The following AOPEP variants were observed in gnomAD, a reference collection of about 807,000 sequenced individuals.
AOPEP encodes aminopeptidase O.
In AOPEP, 77 loss-of-function variants were observed where a neutral mutation model predicts 98.1. The ratio of observed to expected loss-of-function variants is 0.78; its 90% CI spans 0.65 to 0.95. The LOEUF is 0.95. Ranked by LOEUF, AOPEP falls within the 40% of genes least tolerant of loss-of-function variation. The pLI is 0.00. For missense variants in AOPEP, 1,024 were observed against 1,024.7 expected (o/e 1.00, Z 0.01); for synonymous variants, 346 against 365.3 (o/e 0.95, Z 0.60).
chr9:94,989,055 T>C (rs574933670), intron 11 of AOPEP, among the ~76,000 whole-genome samples: 19 of 151,926 alleles, frequency 1.3e-4, no homozygotes, highest in African/African-American at 3.9e-4. Context: ...GTAGCTGGGA[T>C]TACAGGTGCA....
chr9:94,899,002 T>C (rs1218335498), intron 5 of AOPEP, among the ~76,000 whole-genome samples: 2 of 152,002 alleles, frequency 1.3e-5, no homozygotes, highest in African/African-American at 2.4e-5. Flanking sequence ...AGAAGCTCCT[T>C]GGTATAATAT....
chr9:94,808,233 T>C (rs796971402), intron 5 of AOPEP, among the ~76,000 whole-genome samples: 3 of 152,174 alleles, frequency 2.0e-5, no homozygotes, highest in African/African-American at 7.2e-5. Flanking sequence ...AGACACGGGG[T>C]TTCACCATGT....
At chr9:95,022,517 T>C (rs1342548413) in intron 13 of AOPEP, among the ~76,000 whole-genome samples, 4 of 152,158 alleles carry the variant, frequency 2.6e-5, no homozygotes, top group Non-Finnish European at 5.9e-5. Context: ...TTTTTTGTAT[T>C]TTTAGTAGAG....
downstream of AOPEP, among the ~76,000 whole-genome samples, chr9:95,087,873 C>T (rs1480301081): frequency 6.6e-6 from 1 of 152,232 alleles, no homozygotes; most frequent in Non-Finnish European, 1.5e-5. Flanking sequence ...CACCTGAACA[C>T]ACCCACAGTC....
intron 13 of AOPEP, among the ~76,000 whole-genome samples, chr9:95,041,487 G>A (rs2065307383): frequency 6.8e-6 from 1 of 146,936 alleles, no homozygotes; most frequent in Admixed American, 6.8e-5. Context: ...GTGTGGAGAG[G>A]GAGAGACACT....
At chr9:94,946,551 A>G (rs1289389485) in intron 7 of AOPEP, among the ~76,000 whole-genome samples, 2 of 152,134 alleles carry the variant, frequency 1.3e-5, no homozygotes, top group East Asian at 3.9e-4. Context: ...TGATCCTTAG[A>G]ATGGCCCTTC....
intron 13 of AOPEP, among the ~76,000 whole-genome samples, chr9:95,032,194 C>T (rs553051929): frequency 3.2e-4 from 48 of 152,340 alleles, no homozygotes; most frequent in African/African-American, 1.1e-3. Flanking sequence ...ACCTGGCCAG[C>T]GGAGGCCACC....
At chr9:94,758,376 T>G (rs573906895) in intron 1 of AOPEP, among the ~76,000 whole-genome samples, 41 of 152,300 alleles carry the variant, frequency 2.7e-4, no homozygotes, top group African/African-American at 9.6e-4. Context: ...GGAGGCAGGA[T>G]TTTTTAAGGT....
chr9:94,842,425 T>A (rs1466417223), intron 5 of AOPEP, among the ~76,000 whole-genome samples: 1 of 152,106 alleles, frequency 6.6e-6, no homozygotes, highest in Non-Finnish European at 1.5e-5. Context: ...TAAAAAAGAA[T>A]GTCTGTTCTG....
intron 13 of AOPEP, among the ~76,000 whole-genome samples, chr9:95,038,060 C>T (rs2064983540): frequency 6.6e-6 from 1 of 152,176 alleles, no homozygotes; most frequent in Non-Finnish European, 1.5e-5. Flanking sequence ...AGCAAGTTCT[C>T]GGCCTCTTGA....
chr9:95,067,923 A>C (rs1460009799), intron 14 of AOPEP, among the ~76,000 whole-genome samples: 1 of 152,220 alleles, frequency 6.6e-6, no homozygotes, highest in Admixed American at 6.5e-5. Flanking sequence ...CATAAATGGA[A>C]TTATATATAA....
At chr9:94,889,816 T>G (rs940052396) in intron 5 of AOPEP, among the ~76,000 whole-genome samples, 10 of 152,226 alleles carry the variant, frequency 6.6e-5, no homozygotes, top group African/African-American at 2.4e-4. Flanking sequence ...AGTGATTCAG[T>G]CTTTCCACAT....
At chr9:94,803,408 A>C (rs1421255157) in intron 5 of AOPEP, among the ~76,000 whole-genome samples, 1 of 152,214 alleles carries the variant, frequency 6.6e-6, no homozygotes, top group Non-Finnish European at 1.5e-5. Flanking sequence ...GTAAATTATT[A>C]ATCATGTTAA....
At chr9:95,140,234 T>C in the AOPEP span, among the ~76,000 whole-genome samples, 1 of 152,022 alleles carries the variant, frequency 6.6e-6, no homozygotes, top group Non-Finnish European at 1.5e-5. Context: ...AGAAATCTGA[T>C]TTACAGTGAC....
At chr9:94,851,568 C>T (rs2043552376) in intron 5 of AOPEP, among the ~76,000 whole-genome samples, 1 of 151,612 alleles carries the variant, frequency 6.6e-6, no homozygotes, top group African/African-American at 2.4e-5. Context: ...CTAACTTAAC[C>T]AGCCATTACT....
At chr9:95,082,066 C>T (rs916891902) in intron 15 of AOPEP, among the ~76,000 whole-genome samples, 25 of 151,996 alleles carry the variant, frequency 1.6e-4, no homozygotes, top group Non-Finnish European at 2.6e-4. Context: ...GCGGGGTGGG[C>T]GTCTCTGCGG....
chr9:95,069,691 C>T (rs763810465), intron 14 of AOPEP, among the ~76,000 whole-genome samples: 37 of 152,348 alleles, frequency 2.4e-4, no homozygotes, highest in Middle Eastern at 6.8e-3. Context: ...TCATACTTGA[C>T]GTTTGTATTT....
intron 2 of AOPEP, among the ~76,000 whole-genome samples, chr9:94,772,454 A>G (rs78644588): frequency 0.023 from 3,563 of 152,270 alleles, 139 homozygotes; most frequent in African/African-American, 0.081. Flanking sequence ...AGTCCTGTTC[A>G]TATGCCAGCC....
At chr9:94,941,948 C>A (rs79360909) in intron 7 of AOPEP, among the ~76,000 whole-genome samples, 2,606 of 152,174 alleles carry the variant, frequency 0.017, 83 homozygotes, top group African/African-American at 0.06. Flanking sequence ...TATAAAATTC[C>A]ATTTACTACC....
Sources: gnomAD v4.1 joint callset for allele counts (sites outside exome capture counted in the v4.1 genomes callset) on GRCh38, gnomAD v4.1.1 for gene constraint, MANE v1.5 for transcripts, NCBI Gene and HGNC (gene_info 2026-07-23, HGNC 2026-07-21) for gene names.